Variants in EXOC4 observed in about 807,000 individuals in gnomAD.
EXOC4 encodes the protein exocyst complex component 4, also known as SEC8-like 1.
Under a neutral mutation model 107.2 loss-of-function variants are expected in EXOC4, and 71 were observed. That is an observed-to-expected ratio of 0.66 (90% CI 0.55 to 0.81). The LOEUF is 0.81. Among genes scored for constraint, EXOC4 ranks in the 30% least tolerant of loss-of-function variants. The pLI, the probability that EXOC4 is intolerant of heterozygous loss-of-function variation, is 0.00. For missense variants in EXOC4, 1,108 were observed against 1,189.6 expected, an observed-to-expected ratio of 0.93 and a Z score of 1.01; for synonymous variants, 456 against 441.2, an observed-to-expected ratio of 1.03 and a Z score of -0.42.
intron 7 of EXOC4, among the ~76,000 whole-genome samples, chr7:133,382,743 C>A (rs1023633717): frequency 1.3e-5 from 2 of 152,090 alleles, no homozygotes; most frequent in Non-Finnish European, 2.9e-5. Flanking sequence ...TGAAATGTTC[C>A]TTGTATATTA....
At chr7:133,716,483 T>C (rs890350475) in intron 10 of EXOC4, among the ~76,000 whole-genome samples, 2 of 152,230 alleles carry the variant, frequency 1.3e-5, no homozygotes, top group South Asian at 2.1e-4. Flanking sequence ...TGTATACTTA[T>C]TACATCTAAT....
chr7:134,042,456 G>C (rs1795541476), intron 17 of EXOC4, among the ~76,000 whole-genome samples: 1 of 150,208 alleles, frequency 6.7e-6, no homozygotes, highest in African/African-American at 2.5e-5. Context: ...ATTGCAGATT[G>C]AGTGACACAG....
chr7:133,833,322 T>C (rs968110440), intron 11 of EXOC4, among the ~76,000 whole-genome samples: 3 of 151,968 alleles, frequency 2.0e-5, no homozygotes, highest in African/African-American at 7.2e-5. Flanking sequence ...AGAACAAATA[T>C]AGTTATTTTA....
chr7:133,497,364 CTTG>C (rs1179473064), intron 9 of EXOC4, among the ~76,000 whole-genome samples: 6 of 151,628 alleles, frequency 4.0e-5, no homozygotes, highest in South Asian at 2.1e-4. Flanking sequence ...GGCTAGCTCT[CTTG>C]TTGTAAGAAA....
chr7:133,902,204 A>G (rs188133296), intron 12 of EXOC4, among the ~76,000 whole-genome samples: 32 of 152,288 alleles, frequency 2.1e-4, no homozygotes, highest in Admixed American at 5.9e-4. Flanking sequence ...GCTCCCAGGC[A>G]TTTTCTCCTG....
chr7:133,926,753 G>A (rs1215018597), intron 13 of EXOC4, among the ~76,000 whole-genome samples: 1 of 152,188 alleles, frequency 6.6e-6, no homozygotes, highest in African/African-American at 2.4e-5. Context: ...ATCAGGAAGA[G>A]AGACTAAAGG....
At chr7:133,567,902 A>G (rs1280023375) in intron 9 of EXOC4, among the ~76,000 whole-genome samples, 1 of 152,102 alleles carries the variant, frequency 6.6e-6, no homozygotes, top group Admixed American at 6.5e-5. Context: ...CTACCTGTCA[A>G]CCCTCTTACA....
chr7:133,318,984 A>G (rs989801074), intron 5 of EXOC4, among the ~76,000 whole-genome samples: 2 of 152,196 alleles, frequency 1.3e-5, no homozygotes, highest in Non-Finnish European at 2.9e-5. Flanking sequence ...GAGGGGTTGT[A>G]GACTGTGGAA....
At chr7:133,260,354 A>C (rs193059598) in intron 1 of EXOC4, among the ~76,000 whole-genome samples, 1 of 151,796 alleles carries the variant, frequency 6.6e-6, no homozygotes, top group East Asian at 1.9e-4. Context: ...GCTCACTGCA[A>C]CCTCTGACTC....
chr7:133,764,351 C>G (rs1330803768), intron 10 of EXOC4, among the ~76,000 whole-genome samples: 1 of 151,992 alleles, frequency 6.6e-6, no homozygotes, highest in Non-Finnish European at 1.5e-5. Context: ...AAGAGTTAAT[C>G]CAAATCGTCA....
At chr7:133,884,004 A>G (rs1799024003) in intron 11 of EXOC4, among the ~76,000 whole-genome samples, 1 of 152,252 alleles carries the variant, frequency 6.6e-6, no homozygotes, top group South Asian at 2.1e-4. Context: ...CTTAGAGCTG[A>G]TAGTAACTGG....
intron 11 of EXOC4, among the ~76,000 whole-genome samples, chr7:133,839,938 A>G (rs913832157): frequency 1.2e-4 from 18 of 152,164 alleles, no homozygotes; most frequent in African/African-American, 4.1e-4. Flanking sequence ...CAAGTTTATT[A>G]GAGAAGGGCA....
intron 9 of EXOC4, among the ~76,000 whole-genome samples, chr7:133,574,783 G>A (rs966188705): frequency 3.9e-5 from 6 of 152,066 alleles, no homozygotes; most frequent in South Asian, 2.1e-4. Flanking sequence ...AACTTTGTCC[G>A]TTGCACCCAG....
chr7:133,787,132 C>CT (rs1219605337), intron 10 of EXOC4, among the ~76,000 whole-genome samples: 2 of 146,608 alleles, frequency 1.4e-5, no homozygotes, highest in Admixed American at 6.8e-5. Flanking sequence ...CTGTAAGGTA[C>CT]TTTTTTTTTC....
intron 17 of EXOC4, among the ~76,000 whole-genome samples, chr7:134,039,539 A>G (rs1421849767): frequency 6.6e-6 from 1 of 152,166 alleles, no homozygotes; most frequent in African/African-American, 2.4e-5. Context: ...CTGAAATAAA[A>G]TCATATTTCC....
In EXOC4 at chr7:133,255,978, C is replaced by T. The variant is rs1584752561; in HGVS notation, c.86+2791C>T. Among the ~76,000 whole-genome samples the T allele has an allele frequency of 1.4e-5, 2 of 144,126 alleles. 1 individual carries two copies. Among genetic ancestry groups the T allele is most frequent in the Non-Finnish European group, 3.0e-5 (2 of 65,688 alleles). 94.6% of individuals were successfully genotyped at this position (144,126 alleles called of 152,430 possible). A position where few individuals can be genotyped will look rare whatever the true frequency, so the allele number is the denominator to read the frequency against. The stretch of plus-strand genomic sequence containing the variant: ...TCTTGCAACATTGTATTCATTATTC[C>T]TTTTTTTTTTTTTGAGACGTAGTCC... On this transcript the variant is annotated intron_variant, in intron 1 of 17. Coordinates refer to ENST00000253861, the MANE Select transcript of EXOC4 (RefSeq NM_021807.4).
chr7:133,521,418 T>C (rs1159011108), intron 9 of EXOC4, among the ~76,000 whole-genome samples: 1 of 152,220 alleles, frequency 6.6e-6, no homozygotes, highest in Non-Finnish European at 1.5e-5. Context: ...TGGCTCTATC[T>C]AAGGCTGTTA....
In EXOC4 at chr7:133,806,205, A is replaced by G. The variant is rs147044567; in HGVS notation, c.1515-11120A>G. Among the ~76,000 whole-genome samples the G allele has an allele frequency of 7.7e-3, 1,170 of 152,366 alleles. 15 individuals carry two copies. Among genetic ancestry groups the G allele is most frequent in the Middle Eastern group, 0.024 (7 of 294 alleles). On this transcript the variant is annotated intron_variant, in intron 10 of 17. Transcript: ENST00000253861. ...AAGATTTAATATAAAGAGAATGTCT[A>G]TACATCTAGAAGCTTCTTGCATGAG...
chr7:133,532,167 A>G (rs1800193140), intron 9 of EXOC4, among the ~76,000 whole-genome samples: 1 of 152,134 alleles, frequency 6.6e-6, no homozygotes. Flanking sequence ...AGGAATGCTC[A>G]GTCTGTACCC....
Sources: allele counts gnomAD v4.1 joint callset (sites outside exome capture counted in the v4.1 genomes callset), GRCh38; gene constraint gnomAD v4.1.1; transcripts MANE v1.5; gene names NCBI Gene and HGNC (gene_info 2026-07-23, HGNC 2026-07-21).